DOCK4: variants seen among roughly 807,000 people sequenced by gnomAD.
DOCK4 encodes dedicator of cytokinesis protein 4.
In DOCK4, 97 loss-of-function variants were observed where a neutral mutation model predicts 268.1. That is an observed-to-expected ratio of 0.36 (90% CI 0.31 to 0.43). The LOEUF is 0.43. Among genes scored for constraint, DOCK4 ranks in the 20% least tolerant of loss-of-function variants. The pLI is 1.00. For missense variants in DOCK4, 2,145 were observed against 2,455.7 expected, an observed-to-expected ratio of 0.87 and a Z score of 2.67; for synonymous variants, 954 against 887.2, an observed-to-expected ratio of 1.08 and a Z score of -1.34.
At chr7:112,149,590 A>G (rs974407341) in intron 1 of DOCK4, among the ~76,000 whole-genome samples, 19 of 152,140 alleles carry the variant, frequency 1.2e-4, no homozygotes, top group Non-Finnish European at 2.1e-4. Flanking sequence ...AAAGAAGACT[A>G]TCAAAGAAGA....
At position 111,755,578 on chromosome 7, in the gene DOCK4, T is replaced by C. The variant is rs1031217763; in HGVS notation, c.4353A>G (p.Ser1451=). The change falls in exon 42 of 53, where the codon TCA becomes TCG. Residue 1451 remains serine (S), a synonymous_variant. Transcript: ENST00000428084. ...CAGGCAAACTCTGCACCAAGTATAA[T>C]GACGTTCTCTCCACCCAGAGACTCT... is the stretch of plus-strand genomic sequence containing the variant. ...EFKSLWVERT[S]LYLVQSLPGI... The C allele has an allele frequency of 6.2e-7, 1 of 1,613,966 alleles. No individual in the cohort carries two copies. The highest frequency in any genetic ancestry group is 8.5e-7 in the Non-Finnish European group (1 of 1,179,882).
chr7:111,844,707 C>T (rs559808059), intron 25 of DOCK4, 56 bp downstream of exon 25: 47 of 1,546,876 alleles, frequency 3.0e-5, no homozygotes, highest in Non-Finnish European at 3.6e-5. Flanking sequence ...CCACCTGCAA[C>T]GTGACTGAAG....
intron 17 of DOCK4, among the ~76,000 whole-genome samples, chr7:111,876,660 T>C (rs941904744): frequency 2.0e-5 from 3 of 151,242 alleles, no homozygotes; most frequent in African/African-American, 7.3e-5. Flanking sequence ...ATGCATCTAA[T>C]TAAACAAAAA....
At chr7:111,955,855 G>A (rs888649544) in intron 8 of DOCK4, among the ~76,000 whole-genome samples, 4 of 152,312 alleles carry the variant, frequency 2.6e-5, no homozygotes, top group Middle Eastern at 3.4e-3. Context: ...AAGTTCAGAA[G>A]ACTTGAGACC....
intron 1 of DOCK4, among the ~76,000 whole-genome samples, chr7:112,152,015 T>G (rs1816143119): frequency 6.6e-6 from 1 of 150,982 alleles, no homozygotes; most frequent in Non-Finnish European, 1.5e-5. Flanking sequence ...TGCAATAACT[T>G]GATGCTTAGT....
chr7:111,938,397 C>A (rs1204750845), intron 11 of DOCK4, among the ~76,000 whole-genome samples: 1 of 152,148 alleles, frequency 6.6e-6, no homozygotes, highest in Non-Finnish European at 1.5e-5. Flanking sequence ...TCTACTGGCA[C>A]ATATTAGGTA....
At chr7:111,771,771 G>A (rs1286158623) in intron 36 of DOCK4, among the ~76,000 whole-genome samples, 1 of 152,178 alleles carries the variant, frequency 6.6e-6, no homozygotes, top group Non-Finnish European at 1.5e-5. Flanking sequence ...AACAAGCTGT[G>A]CTTCCTCTCA....
chr7:111,728,792 G>A (rs1794855958), intron 52 of DOCK4, 72 bp from the exon 53 acceptor site: 7 of 1,426,102 alleles, frequency 4.9e-6, no homozygotes, highest in African/African-American at 1.4e-5. Context: ...TGAAATGTAC[G>A]CCCCGACGCG....
chr7:111,937,786 T>C (rs1794863044), intron 11 of DOCK4, among the ~76,000 whole-genome samples: 2 of 152,172 alleles, frequency 1.3e-5, no homozygotes, highest in Non-Finnish European at 2.9e-5. Flanking sequence ...AGCAAGACAG[T>C]CCTGACCTCA....
chr7:112,040,605 A>G (rs1804264869), intron 1 of DOCK4, among the ~76,000 whole-genome samples: 1 of 152,168 alleles, frequency 6.6e-6, no homozygotes, highest in Non-Finnish European at 1.5e-5. Flanking sequence ...GAGCCACGGT[A>G]AACCAACACA....
At chr7:112,066,802 G>A (rs1297756165) in intron 1 of DOCK4, among the ~76,000 whole-genome samples, 1 of 142,850 alleles carries the variant, frequency 7.0e-6, no homozygotes, top group Non-Finnish European at 1.5e-5. Flanking sequence ...CCTGCAAGTG[G>A]CGAGTTCAAA....
chr7:112,167,475 TACTC>T (rs1468884433), intron 1 of DOCK4, among the ~76,000 whole-genome samples: 1 of 151,964 alleles, frequency 6.6e-6, no homozygotes, highest in Non-Finnish European at 1.5e-5. Context: ...GCCATGAAAA[TACTC>T]ACTTGATTAA....
At chr7:111,779,039 G>T (rs536660694) in intron 35 of DOCK4, among the ~76,000 whole-genome samples, 2 of 148,722 alleles carry the variant, frequency 1.3e-5, no homozygotes, top group South Asian at 4.2e-4. Context: ...TGGTGACAGA[G>T]AAAGACTCCG....
chr7:111,980,879 A>T (rs1392677047), intron 7 of DOCK4, among the ~76,000 whole-genome samples: 7 of 152,246 alleles, frequency 4.6e-5, no homozygotes, highest in African/African-American at 1.7e-4. Flanking sequence ...TGCAGGCACA[A>T]ATAGGAGAGA....
intron 36 of DOCK4, 46 bp from the exon 37 acceptor site, chr7:111,769,723 C>A: frequency 6.3e-7 from 1 of 1,579,562 alleles, no homozygotes; most frequent in Non-Finnish European, 8.6e-7. Flanking sequence ...GACCCCAAGC[C>A]ACATTCCCTC....
At chr7:111,876,050 G>A (rs778183601) in intron 17 of DOCK4, among the ~76,000 whole-genome samples, 35 of 151,988 alleles carry the variant, frequency 2.3e-4, no homozygotes, top group Non-Finnish European at 4.3e-4. Flanking sequence ...AACTTCTATG[G>A]GGGTAAACTG....
At position 111,735,123 on chromosome 7, in the gene DOCK4, C is replaced by T. The variant is rs1563426131; in HGVS notation, c.5350G>A (p.Glu1784Lys). 1.2e-6 allele frequency: 2 copies of T among 1,600,460 alleles called. No individual in the cohort carries two copies. The highest frequency in any genetic ancestry group is 2.2e-5 in the East Asian group (1 of 44,580). ...CCACTATCCGACATGTTCTTGGCTT[C>T]CTTCCCACTGTCCAGGCTCCAGCTG... ...PSSWSLDSGK[E>K]AKNMSDSGKL... The change falls in exon 51 of 53, where the codon GAA becomes AAA. Residue 1784 changes from glutamate (E) to lysine (K), a missense_variant. By Grantham distance (56) the Glu-to-Lys change is moderately conservative. This residue lies in a region of DOCK4 where 547 missense variants were observed against 469.0 expected (regional missense o/e 1.17). Transcript: ENST00000428084.
intron 1 of DOCK4, among the ~76,000 whole-genome samples, chr7:112,175,736 T>A (rs1818455151): frequency 6.6e-6 from 1 of 152,232 alleles, no homozygotes; most frequent in South Asian, 2.1e-4. Flanking sequence ...CATATGAGAT[T>A]CTTTTTCCAA....
At chr7:111,923,200 G>A (rs1394107542) in intron 12 of DOCK4, among the ~76,000 whole-genome samples, 1 of 152,118 alleles carries the variant, frequency 6.6e-6, no homozygotes, top group African/African-American at 2.4e-5. Flanking sequence ...GTATATGAGG[G>A]GATGTGCATA....
Sources: gnomAD v4.1 joint callset for allele counts (sites outside exome capture counted in the v4.1 genomes callset) on GRCh38, gnomAD v4.1.1 for gene constraint, gnomAD v4.1.1 regional missense constraint, MANE v1.5 for transcripts, NCBI Gene and HGNC (gene_info 2026-07-23, HGNC 2026-07-21) for gene names.